BCKDHB: variants seen among roughly 807,000 people sequenced by gnomAD.
The protein encoded by BCKDHB is 2-oxoisovalerate dehydrogenase subunit beta, mitochondrial.
A neutral mutation model predicts 48.5 loss-of-function variants in BCKDHB; 41 were observed. That is an observed-to-expected ratio of 0.85 (90% CI 0.66 to 1.10). The LOEUF is 1.10. BCKDHB is among the 50% of genes least tolerant of loss of function. The pLI, the probability that BCKDHB is intolerant of heterozygous loss-of-function variation, is 0.00. For missense variants in BCKDHB, 496 were observed against 494.2 expected (o/e 1.00, Z -0.03); for synonymous variants, 201 against 174.8 (o/e 1.15, Z -1.18).
At chr6:80,466,196 T>A in the BCKDHB span, among the ~76,000 whole-genome samples, 13 of 152,164 alleles carry the variant, frequency 8.5e-5, no homozygotes, top group African/African-American at 3.1e-4. Context: ...AAGTCATGTA[T>A]TTTTCTCATC....
At chr6:80,170,327 T>C (rs1772843978) in intron 5 of BCKDHB, among the ~76,000 whole-genome samples, 1 of 152,176 alleles carries the variant, frequency 6.6e-6, no homozygotes, top group Admixed American at 6.5e-5. Context: ...TCTTAAGTCT[T>C]TGTGGTAAGT....
chr6:80,278,266 G>T (rs1251103787), intron 9 of BCKDHB, among the ~76,000 whole-genome samples: 1 of 152,140 alleles, frequency 6.6e-6, no homozygotes, highest in African/African-American at 2.4e-5. Flanking sequence ...CTAAAAGATG[G>T]AGCCAGAGCA....
chr6:80,107,518 T>TATATATATCCACAC (rs138189568), intron 1 of BCKDHB, among the ~76,000 whole-genome samples: 1 of 121,686 alleles, frequency 8.2e-6, no homozygotes, highest in Admixed American at 7.7e-5. Flanking sequence ...TGTGCGCATA[T>TATATATATCCACAC]ATATATATAT....
At chr6:80,152,494 GTTTAA>G (rs1320872688) in intron 3 of BCKDHB, among the ~76,000 whole-genome samples, 3 of 152,118 alleles carry the variant, frequency 2.0e-5, no homozygotes, top group Admixed American at 6.6e-5. Flanking sequence ...TTAAATGAGA[GTTTAA>G]TTTAAGCTTA....
chr6:80,324,603 A>C (rs188169547), intron 9 of BCKDHB, among the ~76,000 whole-genome samples: 5 of 152,264 alleles, frequency 3.3e-5, no homozygotes, highest in African/African-American at 1.2e-4. Flanking sequence ...GTGTATCAGC[A>C]ATTTAGGAAC....
At chr6:80,287,523 G>C (rs1207012727) in intron 9 of BCKDHB, among the ~76,000 whole-genome samples, 1 of 151,504 alleles carries the variant, frequency 6.6e-6, no homozygotes, top group Non-Finnish European at 1.5e-5. Context: ...AGCTCAGCTA[G>C]GTCCAGGTTC....
At chr6:80,176,922 T>G (rs959568745) in intron 6 of BCKDHB, among the ~76,000 whole-genome samples, 1 of 151,958 alleles carries the variant, frequency 6.6e-6, no homozygotes, top group Non-Finnish European at 1.5e-5. Context: ...TAAAACTATT[T>G]TATAAGAAAT....
chr6:80,314,940 C>CAAA (rs1383509820), intron 9 of BCKDHB, among the ~76,000 whole-genome samples: 6 of 152,308 alleles, frequency 3.9e-5, no homozygotes, highest in African/African-American at 1.4e-4. Flanking sequence ...TTGTACTCTG[C>CAAA]AAAGCCCACG....
chr6:80,328,301 TATC>T (rs1769143550), intron 9 of BCKDHB, among the ~76,000 whole-genome samples: 1 of 152,202 alleles, frequency 6.6e-6, no homozygotes, highest in African/African-American at 2.4e-5. Flanking sequence ...TTTTCTTTAT[TATC>T]ATGCTGATCA....
intron 8 of BCKDHB, among the ~76,000 whole-genome samples, chr6:80,246,765 C>G (rs941706093): frequency 6.6e-6 from 1 of 152,096 alleles, no homozygotes; most frequent in Non-Finnish European, 1.5e-5. Context: ...CCCCCTTAGT[C>G]TTTCTGAATG....
intron 8 of BCKDHB, among the ~76,000 whole-genome samples, chr6:80,253,079 T>C (rs1231238791): frequency 5.3e-5 from 8 of 152,222 alleles, no homozygotes; most frequent in Admixed American, 5.2e-4. Context: ...TTTAGAAAGA[T>C]ATCTTGTAGT....
At chr6:80,161,533 G>T (rs1273890165) in intron 3 of BCKDHB, among the ~76,000 whole-genome samples, 1 of 152,002 alleles carries the variant, frequency 6.6e-6, no homozygotes, top group African/African-American at 2.4e-5. Flanking sequence ...CTGTCAGTGT[G>T]CCGGGTAAGT....
the BCKDHB span, chr6:80,373,900 A>G: frequency 5.0e-6 from 2 of 402,556 alleles, no homozygotes; most frequent in Non-Finnish European, 9.4e-6. Flanking sequence ...GTGAATCCTT[A>G]TGTGTCAGGT....
chr6:80,384,988 G>T, the BCKDHB span, among the ~76,000 whole-genome samples: 1 of 152,190 alleles, frequency 6.6e-6, no homozygotes, highest in Admixed American at 6.5e-5. Context: ...ACAAGGAACT[G>T]ATAGGCCTTG....
intron 9 of BCKDHB, among the ~76,000 whole-genome samples, chr6:80,342,696 G>T (rs1208570240): frequency 6.6e-6 from 1 of 152,128 alleles, no homozygotes; most frequent in Non-Finnish European, 1.5e-5. Flanking sequence ...GTAGTCTGAG[G>T]TGGGATTGCT....
chr6:80,413,895 G>A, the BCKDHB span, among the ~76,000 whole-genome samples: 1 of 152,140 alleles, frequency 6.6e-6, no homozygotes, highest in African/African-American at 2.4e-5. Context: ...CACAATGGTT[G>A]AACTAATTTA....
chr6:80,369,466 T>C, the BCKDHB span, among the ~76,000 whole-genome samples: 4 of 152,194 alleles, frequency 2.6e-5, no homozygotes, highest in Admixed American at 2.6e-4. Flanking sequence ...GATGGGGGTT[T>C]AGATTATTTC....
intron 9 of BCKDHB, among the ~76,000 whole-genome samples, chr6:80,297,077 T>C (rs764445663): frequency 2.6e-5 from 4 of 152,268 alleles, no homozygotes; most frequent in Admixed American, 6.5e-5. Context: ...TCTAGGACAA[T>C]GGACAGAAGT....
At chr6:80,366,931 A>C in the BCKDHB span, among the ~76,000 whole-genome samples, 1 of 152,200 alleles carries the variant, frequency 6.6e-6, no homozygotes, top group Admixed American at 6.5e-5. Context: ...GCTCTATGCC[A>C]GCTGGGAAGG....
Sources: allele counts gnomAD v4.1 joint callset (sites outside exome capture counted in the v4.1 genomes callset), GRCh38; gene constraint gnomAD v4.1.1; transcripts MANE v1.5; gene names NCBI Gene and HGNC (gene_info 2026-07-23, HGNC 2026-07-21).